TPM3: variants seen among roughly 807,000 people sequenced by gnomAD.
TPM3 encodes tropomyosin alpha-3 chain.
A neutral mutation model predicts 43.1 loss-of-function variants in TPM3; 16 were observed. That is an observed-to-expected ratio of 0.37 (90% confidence interval 0.25 to 0.56). The LOEUF (loss-of-function observed/expected upper bound fraction) is 0.56, where lower values mean the gene tolerates loss of function less well. Ranked by LOEUF, TPM3 falls within the 20% of genes least tolerant of loss-of-function variation. The pLI is 0.77. For missense variants in TPM3, 176 were observed against 337.2 expected, an observed-to-expected ratio of 0.52 and a Z score of 3.74; for synonymous variants, 101 against 116.9, an observed-to-expected ratio of 0.86 and a Z score of 0.88.
chr1:154,167,901 GGGGGCA>G lies in TPM3; in HGVS notation c.*30_*35del, dbSNP rs1188445625. The G allele has an allele frequency of 1.2e-6, 2 of 1,613,902 alleles. No homozygotes were observed. The highest frequency in any genetic ancestry group is 1.3e-5 in the African/African-American group (1 of 74,904). On this transcript the variant is annotated 3_prime_UTR_variant, in exon 10 of 10. Transcript: ENST00000651641. Reference sequence around the variant, plus strand: ...GGCCTTGGGTTCCCCGAGGAGTAAAGGGGGCAGATCCAGAACAGAGCAGAAACGGTG... The same window carrying G: ...GGCCTTGGGTTCCCCGAGGAGTAAAGGATCCAGAACAGAGCAGAAACGGTG...
chr1:154,184,259 G>A (rs1439886880), intron 2 of TPM3, among the ~76,000 whole-genome samples: 3 of 151,896 alleles, frequency 2.0e-5, no homozygotes, highest in East Asian at 3.9e-4. Context: ...GGATGGTCTC[G>A]ATCTCCTGAC....
chr1:154,171,863 A>G, intron 5 of TPM3: 1 of 810,070 alleles, frequency 1.2e-6, no homozygotes, highest in Non-Finnish European at 2.1e-6. Flanking sequence ...ACTAGGAAAG[A>G]AGAGATGAAA....
rs1261318136 is a variant in TPM3, at chr1:154,174,407, T to TATATATACACACAC, written c.378-1207_378-1206insGTGTGTGTATATAT. On this transcript the variant is annotated intron_variant, in intron 3 of 9. Coordinates refer to ENST00000651641, the MANE Select transcript of TPM3 (RefSeq NM_152263.4). ...ATATATATATATATATATATATATA[T>TATATATACACACAC]ACACACAAAAATCCCATCCCAGCTT... Among the ~76,000 whole-genome samples the TATATATACACACAC allele has an allele frequency of 4.4e-3, 323 of 72,590 alleles. 1 individual carries two copies. The highest frequency in any genetic ancestry group is 9.5e-3 in the South Asian group (17 of 1,784). The allele number at this position is 72,590 out of a possible 152,430, so 47.6% of individuals were successfully genotyped here.
At chr1:154,172,721 G>C in intron 5 of TPM3, 187 bp downstream of exon 5, 1 of 718,514 alleles carries the variant, frequency 1.4e-6, no homozygotes, top group Non-Finnish European at 2.4e-6. Flanking sequence ...TTTGTCACTT[G>C]TCACTAGTCA....
chr1:154,178,030 T>C (rs1362059221), intron 2 of TPM3: 1 of 547,806 alleles, frequency 1.8e-6, no homozygotes. Flanking sequence ...ACATTTCTCC[T>C]CACAAACCCA....
intron 3 of TPM3, among the ~76,000 whole-genome samples, chr1:154,174,407 T>TATACACACACACAC (rs1261318136): frequency 1.1e-4 from 8 of 72,690 alleles, no homozygotes; most frequent in African/African-American, 4.0e-4. Context: ...TATATATATA[T>TATACACACACACAC]ACACACAAAA....
chr1:154,191,913 T>C lies in TPM3; in HGVS notation c.106A>G (p.Arg36Gly), dbSNP rs1232113064. The part of the protein sequence containing the change: ...AEAEQKQAEE[R>G]SKQLEDELAA... ...ATGCCAGTGCCTACCTGTTTACTTC[T>C]TTCTTCTGCCTGCTTCTGCTCAGCT... Residue 36 changes from arginine (R) to glycine (G), a missense_variant, in exon 1 of 10, where the codon AGA becomes GGA. Physicochemically the swap from Arg to Gly is moderately radical, Grantham distance 125 (BLOSUM62 -2). Transcript: ENST00000651641. The C allele has an allele frequency of 1.2e-6, 2 of 1,613,706 alleles. No individual in the cohort carries two copies. Among genetic ancestry groups the C allele is most frequent in the Non-Finnish European group, 1.7e-6 (2 of 1,179,958 alleles).
downstream of TPM3, chr1:154,157,528 A>G: frequency 2.6e-6 from 2 of 764,566 alleles, no homozygotes; most frequent in Non-Finnish European, 4.8e-6. Context: ...AGGAGAAAGC[A>G]GCCTTCCAGT....
chr1:154,187,480 C>T, intron 2 of TPM3: 5 of 984,628 alleles, frequency 5.1e-6, no homozygotes, highest in Non-Finnish European at 6.0e-6. Context: ...GTATTTTTAA[C>T]CCTCACTTTA....
At chr1:154,184,729 A>G (rs1463158701) in intron 2 of TPM3, among the ~76,000 whole-genome samples, 1 of 151,948 alleles carries the variant, frequency 6.6e-6, no homozygotes, top group Non-Finnish European at 1.5e-5. Flanking sequence ...CCTGGGCAGT[A>G]TAGTGAGACC....
chr1:154,176,862 C>A (rs901929613), intron 2 of TPM3, among the ~76,000 whole-genome samples: 1 of 151,532 alleles, frequency 6.6e-6, no homozygotes, highest in African/African-American at 2.4e-5. Flanking sequence ...ACCTCTAGTC[C>A]CAGCTACTCG....
downstream of TPM3, chr1:154,155,845 AT>A (rs1659745095): frequency 4.7e-6 from 1 of 213,138 alleles, no homozygotes; most frequent in East Asian, 6.8e-5. Flanking sequence ...GGCCCAGCAC[AT>A]TAAGTGTTCT....
intron 3 of TPM3, among the ~76,000 whole-genome samples, chr1:154,174,641 C>T (rs987368104): frequency 6.7e-5 from 10 of 150,160 alleles, no homozygotes; most frequent in Admixed American, 2.0e-4. Context: ...ATTACAGGCG[C>T]GCCCCACCAC....
Position 154,166,780 on chromosome 1 carries a change from C to T in TPM3, c.*1157G>A. On this transcript the variant is annotated 3_prime_UTR_variant, in exon 10 of 10. Coordinates refer to ENST00000651641, the MANE Select transcript of TPM3 (RefSeq NM_152263.4). The stretch of plus-strand genomic sequence containing the variant: ...CACTGCAACCTCCGCCTCCCAGGTG[C>T]AAGCGATTCTCCTGCCTCAGCCTCC... 1 of 767,800 alleles carries T rather than the reference C, an allele frequency of 1.3e-6. No individual in the cohort carries two copies. The highest frequency in any genetic ancestry group is 1.6e-6 in the Non-Finnish European group (1 of 631,708). The allele number at this position is 767,800 out of a possible 1,614,324, so 47.6% of individuals were successfully genotyped here.
chr1:154,172,334 T>C, intron 5 of TPM3: 2 of 692,664 alleles, frequency 2.9e-6, no homozygotes, highest in East Asian at 5.7e-5. Flanking sequence ...GCCCAGAAGG[T>C]ACCGACGGGA....
rs1406551369 is a variant in TPM3 at position 154,161,948 on chromosome 1, T to TA, written c.*5988dup. ...TTCTAACTCTGCTATCTCTAGTTATTAAAAATTAAGACCAGTACTAGCTCC... is the reference window on the plus strand; with the variant it reads ...TTCTAACTCTGCTATCTCTAGTTATTAAAAAATTAAGACCAGTACTAGCTCC... On this transcript the variant is annotated 3_prime_UTR_variant, in exon 10 of 10. Transcript: ENST00000651641. Among the ~76,000 whole-genome samples, 1 of 152,164 alleles carries TA rather than the reference T, an allele frequency of 6.6e-6. No homozygotes were observed. Among genetic ancestry groups the TA allele is most frequent in the East Asian group, 1.9e-4 (1 of 5,196 alleles).
At chr1:154,173,245 G>A (rs1360080425) in intron 3 of TPM3, 44 bp from the exon 4 acceptor site, 8 of 1,532,756 alleles carry the variant, frequency 5.2e-6, no homozygotes, top group Non-Finnish European at 6.3e-6. Context: ...CCTGAGGAGT[G>A]TGTCGTCAGC....
downstream of TPM3, among the ~76,000 whole-genome samples, chr1:154,159,601 TTTC>T (rs1372799625): frequency 3.5e-5 from 5 of 144,380 alleles, no homozygotes; most frequent in South Asian, 2.3e-4. Context: ...AAATATTCAA[TTTC>T]TTCTTCTTCT....
downstream of TPM3, chr1:154,157,562 G>A (rs1031130164): frequency 3.9e-6 from 3 of 767,370 alleles, no homozygotes; most frequent in Non-Finnish European, 4.8e-6. Context: ...TCAGTTAAAG[G>A]TCAGCTTCCC....
Sources: allele counts gnomAD v4.1 joint callset (sites outside exome capture counted in the v4.1 genomes callset), GRCh38; gene constraint gnomAD v4.1.1; transcripts MANE v1.5; gene names NCBI Gene and HGNC (gene_info 2026-07-23, HGNC 2026-07-21).